Variants in NR3C2 observed in about 807,000 individuals in gnomAD.
NR3C2 encodes nuclear receptor subfamily 3 group C member 2, also known as mineralocorticoid receptor.
A neutral mutation model predicts 86.4 loss-of-function variants in NR3C2; 15 were observed. That is an observed-to-expected ratio of 0.17 (90% CI 0.12 to 0.27). The LOEUF is 0.27. NR3C2 is among the 10% of genes least tolerant of loss of function. The pLI is 1.00. For synonymous variants in NR3C2, 458 were observed against 450.5 expected, an observed-to-expected ratio of 1.02 and a Z score of -0.21; for missense variants, 960 against 1,195.6, an observed-to-expected ratio of 0.80 and a Z score of 2.91.
intron 8 of NR3C2, among the ~76,000 whole-genome samples, chr4:148,100,877 CAG>C: frequency 6.6e-6 from 1 of 151,804 alleles, no homozygotes; most frequent in East Asian, 2.0e-4. Context: ...AAATATTATT[CAG>C]CCTTATAAAG....
At chr4:148,140,113 T>A (rs1733538897) in intron 6 of NR3C2, among the ~76,000 whole-genome samples, 2 of 152,300 alleles carry the variant, frequency 1.3e-5, no homozygotes, top group African/African-American at 2.4e-5. Context: ...TTCCTTTGTT[T>A]TAGAGTTGAC....
chr4:148,129,327 G>T (rs945168534), intron 6 of NR3C2, among the ~76,000 whole-genome samples: 1 of 152,176 alleles, frequency 6.6e-6, no homozygotes, highest in Non-Finnish European at 1.5e-5. Context: ...CACACTCATA[G>T]AAACAGTAAG....
chr4:148,092,926 G>T (rs1309444910), intron 8 of NR3C2, among the ~76,000 whole-genome samples: 1 of 152,172 alleles, frequency 6.6e-6, no homozygotes, highest in East Asian at 1.9e-4. Context: ...ATGATGGCCT[G>T]GCCTGCTGTC....
intron 8 of NR3C2, among the ~76,000 whole-genome samples, chr4:148,110,075 C>A (rs911084326): frequency 6.6e-6 from 1 of 152,166 alleles, no homozygotes; most frequent in African/African-American, 2.4e-5. Context: ...CATATGACAC[C>A]TAAACATTTA....
chr4:148,368,336 A>G (rs1445682221), intron 2 of NR3C2: 1 of 152,140 alleles, frequency 6.6e-6, no homozygotes, highest in South Asian at 2.1e-4. Context: ...CGTAATAACA[A>G]TAGTTACTTA....
intron 2 of NR3C2, among the ~76,000 whole-genome samples, chr4:148,390,677 A>G (rs942789596): frequency 2.6e-5 from 4 of 152,334 alleles, no homozygotes; most frequent in Admixed American, 2.6e-4. Flanking sequence ...AAACTGGCAT[A>G]AGACGGTTGA....
intron 5 of NR3C2, 123 bp downstream of exon 5, chr4:148,154,428 A>T (rs547188307): frequency 1.9e-5 from 17 of 901,660 alleles, no homozygotes; most frequent in African/African-American, 1.3e-4. Context: ...TTATCAATTT[A>T]AAAAATCTGA....
intron 3 of NR3C2, among the ~76,000 whole-genome samples, chr4:148,198,176 G>A (rs1205625693): frequency 6.6e-6 from 1 of 152,054 alleles, no homozygotes; most frequent in Non-Finnish European, 1.5e-5. Flanking sequence ...CAATAACAAA[G>A]TTGAGTTTAA....
intron 2 of NR3C2, among the ~76,000 whole-genome samples, chr4:148,317,501 T>C (rs1278478480): frequency 6.6e-6 from 1 of 152,164 alleles, no homozygotes; most frequent in Non-Finnish European, 1.5e-5. Context: ...AGTTGCTTTG[T>C]ACCTATTTTG....
chr4:148,228,092 T>C (rs902393914), intron 3 of NR3C2, among the ~76,000 whole-genome samples: 5 of 152,202 alleles, frequency 3.3e-5, no homozygotes, highest in Admixed American at 2.0e-4. Flanking sequence ...TAGGTATGTA[T>C]GCATATTAAA....
At chr4:148,134,161 C>T (rs72651898) in intron 6 of NR3C2, among the ~76,000 whole-genome samples, 68 of 152,296 alleles carry the variant, frequency 4.5e-4, no homozygotes, top group African/African-American at 1.3e-3. Context: ...AGATTAGCCA[C>T]GTGTCGTTTC....
At chr4:148,397,169 C>A (rs1747901402) in intron 2 of NR3C2, among the ~76,000 whole-genome samples, 1 of 152,230 alleles carries the variant, frequency 6.6e-6, no homozygotes, top group East Asian at 1.9e-4. Context: ...CAAAGACCAG[C>A]CCCCACCATT....
intron 2 of NR3C2, among the ~76,000 whole-genome samples, chr4:148,424,714 A>G (rs1173804931): frequency 1.3e-5 from 2 of 152,132 alleles, no homozygotes; most frequent in Non-Finnish European, 2.9e-5. Context: ...AACATAGAAA[A>G]AAAAAAAACA....
At chr4:148,230,936 T>C (rs1738429358) in intron 3 of NR3C2, among the ~76,000 whole-genome samples, 1 of 152,238 alleles carries the variant, frequency 6.6e-6, no homozygotes, top group Admixed American at 6.5e-5. Flanking sequence ...TATCGATTAC[T>C]GAAAACAAGC....
chr4:148,246,160 T>A (rs115102341), intron 3 of NR3C2, among the ~76,000 whole-genome samples: 277 of 152,240 alleles, frequency 1.8e-3, no homozygotes, highest in African/African-American at 6.3e-3. Flanking sequence ...ATGAGGCCAT[T>A]TCCATTTTTA....
chr4:148,196,764 C>T (rs910903381), intron 3 of NR3C2, among the ~76,000 whole-genome samples: 1 of 152,056 alleles, frequency 6.6e-6, no homozygotes, highest in Non-Finnish European at 1.5e-5. Flanking sequence ...AAATGAAACC[C>T]TGCCATTATA....
At chr4:148,392,561 G>GT (rs1747642216) in intron 2 of NR3C2, among the ~76,000 whole-genome samples, 2 of 152,068 alleles carry the variant, frequency 1.3e-5, no homozygotes, top group Non-Finnish European at 2.9e-5. Context: ...TGCTCTGCTG[G>GT]TCCCCCAGAG....
At chr4:148,131,744 T>G (rs914391243) in intron 6 of NR3C2, among the ~76,000 whole-genome samples, 5 of 152,236 alleles carry the variant, frequency 3.3e-5, no homozygotes, top group Admixed American at 3.3e-4. Flanking sequence ...TCCACAACAT[T>G]CATCCATTCT....
chr4:148,259,296 A>G (rs1739978985), intron 3 of NR3C2, among the ~76,000 whole-genome samples: 2 of 152,246 alleles, frequency 1.3e-5, no homozygotes. Context: ...CATCTGGTCT[A>G]AGTCTGATGG....
Sources: gnomAD v4.1 joint callset for allele counts (sites outside exome capture counted in the v4.1 genomes callset) on GRCh38, gnomAD v4.1.1 for gene constraint, MANE v1.5 for transcripts, NCBI Gene and HGNC (gene_info 2026-07-23, HGNC 2026-07-21) for gene names.